Variants in TMEM165 observed in about 807,000 individuals in gnomAD.
The protein encoded by TMEM165 is transmembrane protein 165, also known as putative divalent cation/proton antiporter TMEM165.
Under a neutral mutation model 30.0 loss-of-function variants are expected in TMEM165, and 19 were observed. That is an observed-to-expected ratio of 0.63 (90% CI 0.44 to 0.93). TMEM165 has a LOEUF of 0.93. TMEM165 is among the 40% of genes least tolerant of loss of function. TMEM165 has a pLI of 0.00. For missense variants in TMEM165, 340 were observed against 417.0 expected (o/e 0.82, Z 1.61); for synonymous variants, 168 against 162.9 (o/e 1.03, Z -0.24).
chr4:55,449,489 T>C, intron 3 of TMEM165: 5 of 1,614,010 alleles, frequency 3.1e-6, no homozygotes, highest in Non-Finnish European at 4.2e-6. Context: ...GGATCTTGGT[T>C]GGTGTTGCTG....
downstream of TMEM165, chr4:55,430,427 AAAGT>A (rs1207276710): frequency 6.6e-6 from 1 of 152,232 alleles, no homozygotes; most frequent in African/African-American, 2.4e-5. Flanking sequence ...ACATGGAAAG[AAAGT>A]ATTTTAATTT....
chr4:55,420,645 G>A (rs1721936953), intron 4 of TMEM165, among the ~76,000 whole-genome samples: 1 of 152,100 alleles, frequency 6.6e-6, no homozygotes, highest in Non-Finnish European at 1.5e-5. Context: ...GAAATGTTGT[G>A]TCTTTTCCTG....
chr4:55,431,641 A>C (rs184147609), intron 3 of TMEM165: 1 of 152,326 alleles, frequency 6.6e-6, no homozygotes. Flanking sequence ...AGGTAATTGG[A>C]AAGGTTATAG....
At chr4:55,421,365 ATC>A (rs1361267388) in intron 4 of TMEM165, among the ~76,000 whole-genome samples, 1 of 146,108 alleles carries the variant, frequency 6.8e-6, no homozygotes, top group Non-Finnish European at 1.5e-5. Context: ...CAGTGGCACA[ATC>A]TCAGCTCACC....
intron 3 of TMEM165, chr4:55,435,429 C>T (rs1355839432): frequency 1.2e-6 from 2 of 1,613,898 alleles, no homozygotes; most frequent in Non-Finnish European, 8.5e-7. Flanking sequence ...TGTGGTTGAA[C>T]CTTGGAAGGG....
rs1285592328 is a variant in TMEM165, at chr4:55,417,098, A to G, written c.460A>G (p.Ile154Val). Residue 154 changes from isoleucine to valine, a missense_variant, in exon 3 of 6, where the codon ATC becomes GTC. Physicochemically the swap from Ile to Val is conservative, Grantham distance 29. Transcript: ENST00000381334. ...TTTGTTTGGCTATGCCACCACAGTC[A>G]TCCCCAGGGTCTATACATACTATGT... is the stretch of plus-strand genomic sequence containing the variant. Reference protein sequence around the residue: ...SVLFGYATTVIPRVYTYYVST... With the variant: ...SVLFGYATTVVPRVYTYYVST... The G allele has an allele frequency of 1.9e-6, 3 of 1,601,774 alleles. No homozygotes were observed. Among genetic ancestry groups the G allele is most frequent in the Non-Finnish European group, 2.6e-6 (3 of 1,175,994 alleles).
chr4:55,432,590 G>C (rs1030190125), intron 3 of TMEM165: 1 of 123,802 alleles, frequency 8.1e-6, no homozygotes, highest in Non-Finnish European at 1.6e-5. Flanking sequence ...AGACACTGCT[G>C]AATCTTCATT....
rs1360386660 is a variant in TMEM165 at position 55,401,268 on chromosome 4, C to T, written c.207+4872C>T. ...AAAATCAAGATTAACCCCCAATTTACAAACCCATGATAAAAAGTGTTGTTG... is the reference window on the plus strand; with the variant it reads ...AAAATCAAGATTAACCCCCAATTTATAAACCCATGATAAAAAGTGTTGTTG... On this transcript the variant is annotated intron_variant, in intron 1 of 5. Coordinates refer to ENST00000381334, the MANE Select transcript of TMEM165 (RefSeq NM_018475.5). 2.0e-5 allele frequency among the ~76,000 whole-genome samples: 3 copies of T among 150,822 alleles called. No individual in the cohort carries two copies. In the East Asian group the frequency reaches 5.8e-4, roughly 29 times the overall value.
chr4:55,415,069 T>G (rs1310729169), intron 2 of TMEM165, among the ~76,000 whole-genome samples: 2 of 152,220 alleles, frequency 1.3e-5, no homozygotes, highest in African/African-American at 4.8e-5. Context: ...TCATCAAAAT[T>G]TCTCCAAAGA....
intron 3 of TMEM165, chr4:55,443,723 C>G (rs766889975): frequency 6.2e-7 from 1 of 1,614,112 alleles, no homozygotes; most frequent in East Asian, 2.2e-5. Flanking sequence ...GTTGTTGTAT[C>G]ATGTGCTGAG....
chr4:55,450,196 C>T, intron 3 of TMEM165: 1 of 1,613,992 alleles, frequency 6.2e-7, no homozygotes, highest in Non-Finnish European at 8.5e-7. Flanking sequence ...TTGAGACTGA[C>T]TGTGTTTATA....
intron 1 of TMEM165, among the ~76,000 whole-genome samples, chr4:55,399,602 G>A (rs1720869420): frequency 6.6e-6 from 1 of 152,208 alleles, no homozygotes; most frequent in Admixed American, 6.5e-5. Context: ...GATGGTAGGT[G>A]TAGAGCTACT....
intron 1 of TMEM165, among the ~76,000 whole-genome samples, chr4:55,399,859 T>C (rs1211639333): frequency 6.6e-6 from 1 of 152,028 alleles, no homozygotes; most frequent in Non-Finnish European, 1.5e-5. Flanking sequence ...TCTTTAAAAC[T>C]AGGGGTATGG....
Position 55,396,068 on chromosome 4 carries a change from C to A in TMEM165, c.-122C>A. The A allele has an allele frequency of 1.3e-6, 1 of 775,250 alleles. No homozygotes were observed. Among genetic ancestry groups the A allele is most frequent in the Non-Finnish European group, 1.8e-6 (1 of 558,756 alleles). 48.0% of individuals were successfully genotyped at this position (775,250 alleles called of 1,614,324 possible). A position where few individuals can be genotyped will look rare whatever the true frequency, so the allele number is the denominator to read the frequency against. The stretch of plus-strand genomic sequence containing the variant: ...TGCACCTCCCGGATGGTGCTGACTG[C>A]TCCCTAAGCGGCGGCGGCGGCGAGT... On this transcript the variant is annotated 5_prime_UTR_variant, in exon 1 of 6. Transcript: ENST00000381334.
chr4:55,405,303 A>T (rs1395169938), intron 1 of TMEM165, among the ~76,000 whole-genome samples: 1 of 152,170 alleles, frequency 6.6e-6, no homozygotes, highest in Admixed American at 6.5e-5. Flanking sequence ...TATAACATTG[A>T]TGAGAAAAGA....
At chr4:55,397,133 G>A in intron 1 of TMEM165, 1 of 152,294 alleles carries the variant, frequency 6.6e-6, no homozygotes, top group Non-Finnish European at 1.5e-5. Flanking sequence ...GGGCTTTGTC[G>A]TCATTTCCAG....
intron 1 of TMEM165, chr4:55,399,132 A>G (rs778410679): frequency 2.0e-5 from 3 of 152,262 alleles, no homozygotes; most frequent in Non-Finnish European, 2.9e-5. Flanking sequence ...ACTGGAACTC[A>G]ACGAGTAAAT....
Position 55,421,297 on chromosome 4 carries a change from CTTT to C in TMEM165, c.793-3222_793-3220del, listed in dbSNP as rs766025971. On this transcript the variant is annotated intron_variant, in intron 4 of 5. Coordinates refer to ENST00000381334, the MANE Select transcript of TMEM165 (RefSeq NM_018475.5). ...GAATTTTTAAATATTTTCTTTCTTT[CTTT>C]TTTTTTTTTTTTTTTTTTGAGACAG... Among the ~76,000 whole-genome samples the C allele has an allele frequency of 6.1e-3, 642 of 105,800 alleles. 4 individuals are homozygous for C. The highest frequency in any genetic ancestry group is 0.022 in the African/African-American group (600 of 27,392). The allele number at this position is 105,800 out of a possible 152,430, so 69.4% of individuals were successfully genotyped here. A position where few individuals can be genotyped will look rare whatever the true frequency, so the allele number is the denominator to read the frequency against.
rs558842526 is a variant in TMEM165 at position 55,438,513 on chromosome 4, C to T, written c.409-13726C>T. On this transcript the variant is annotated intron_variant, in intron 3 of 3. Coordinates refer to the TMEM165 transcript ENST00000608091. The stretch of plus-strand genomic sequence containing the variant: ...CTACAGGAGCAGTCACTAATTTGGT[C>T]ACAAGTTGTTGACCTTGAGAAAATC... 7.4e-6 allele frequency: 12 copies of T among 1,613,578 alleles called. No homozygotes were observed. The Admixed American group carries it at 8.3e-5, about 11-fold the overall frequency.
Sources: gnomAD v4.1 joint callset for allele counts (sites outside exome capture counted in the v4.1 genomes callset) on GRCh38, gnomAD v4.1.1 for gene constraint, MANE v1.5 for transcripts, NCBI Gene and HGNC (gene_info 2026-07-23, HGNC 2026-07-21) for gene names.